GRIN2A: variants seen among roughly 807,000 people sequenced by gnomAD.
GRIN2A encodes glutamate ionotropic receptor NMDA type subunit 2A, also known as glutamate receptor ionotropic, NMDA 2A.
Under a neutral mutation model 113.4 loss-of-function variants are expected in GRIN2A, and 22 were observed. The observed-to-expected ratio is 0.19, with a 90% CI of 0.14 to 0.28. The LOEUF is 0.28. Ranked by LOEUF, GRIN2A falls within the 10% of genes least tolerant of loss-of-function variation. The pLI is 1.00. For synonymous variants in GRIN2A, 827 were observed against 738.4 expected (o/e 1.12, Z -1.94); for missense variants, 1,502 against 1,887.0 (o/e 0.80, Z 3.78).
intron 2 of GRIN2A, among the ~76,000 whole-genome samples, chr16:10,055,047 CAAAAAAAAAAAAAAAAAAA>C (rs71133304): frequency 1.5e-3 from 16 of 10,400 alleles, no homozygotes; most frequent in Middle Eastern, 0.062. Flanking sequence ...GACTCTATCT[CAAAAAAAAAAAAAAAAAAA>C]AAAAAAAAAA....
intron 2 of GRIN2A, among the ~76,000 whole-genome samples, chr16:10,178,311 G>A (rs2050192133): frequency 6.6e-6 from 1 of 152,184 alleles, no homozygotes; most frequent in Non-Finnish European, 1.5e-5. Context: ...TGTCCCTCCT[G>A]AAGATGGATG....
chr16:10,076,672 T>C lies in GRIN2A; in HGVS notation c.414+103326A>G, dbSNP rs1035746077. Reference sequence around the variant, plus strand: ...CCCAAGTTCTACCTCAAGCAGCTCATAGTCTGGAGGAGAAAGAGCTATGAC... The same window carrying C: ...CCCAAGTTCTACCTCAAGCAGCTCACAGTCTGGAGGAGAAAGAGCTATGAC... On this transcript the variant is annotated intron_variant, in intron 2 of 12. Coordinates refer to ENST00000330684, the MANE Select transcript of GRIN2A (RefSeq NM_001134407.3). 3.9e-5 allele frequency among the ~76,000 whole-genome samples: 6 copies of C among 152,154 alleles called. 1 individual carries two copies. The highest frequency in any genetic ancestry group is 8.8e-5 in the Non-Finnish European group (6 of 68,026).
chr16:10,010,172 G>A (rs1006190117), intron 2 of GRIN2A, among the ~76,000 whole-genome samples: 1 of 152,238 alleles, frequency 6.6e-6, no homozygotes, highest in African/African-American at 2.4e-5. Flanking sequence ...GTAGAGAACA[G>A]CAAGGCCTAC....
chr16:9,892,682 G>A (rs1316587447), intron 3 of GRIN2A, among the ~76,000 whole-genome samples: 4 of 152,120 alleles, frequency 2.6e-5, no homozygotes, highest in African/African-American at 9.7e-5. Context: ...CCTGTACTCA[G>A]GCTGAACTCA....
At chr16:10,119,661 T>C (rs1012700828) in intron 2 of GRIN2A, among the ~76,000 whole-genome samples, 9 of 152,172 alleles carry the variant, frequency 5.9e-5, no homozygotes, top group Admixed American at 4.6e-4. Context: ...ACACATTTGG[T>C]ACAGATTATT....
At chr16:9,834,067 G>A in intron 8 of GRIN2A, 38 bp downstream of exon 8, 2 of 1,603,774 alleles carry the variant, frequency 1.2e-6, no homozygotes, top group East Asian at 2.2e-5. Flanking sequence ...AAATGAAATT[G>A]CAACAACATT....
intron 2 of GRIN2A, among the ~76,000 whole-genome samples, chr16:10,047,849 C>T (rs1410635381): frequency 6.6e-6 from 1 of 152,206 alleles, no homozygotes; most frequent in African/African-American, 2.4e-5. Flanking sequence ...GTGCATTTTA[C>T]ATTGATCTCA....
At chr16:9,973,331 T>C (rs2045710492) in intron 2 of GRIN2A, among the ~76,000 whole-genome samples, 1 of 152,176 alleles carries the variant, frequency 6.6e-6, no homozygotes, top group African/African-American at 2.4e-5. Flanking sequence ...ACTAAGTTTC[T>C]CTGAAGGTTA....
intron 2 of GRIN2A, chr16:10,112,068 C>G (rs1037721119): frequency 3.3e-6 from 2 of 611,252 alleles, no homozygotes; most frequent in South Asian, 3.4e-5. Context: ...GAAGAAGAAT[C>G]GAGACTACAT....
chr16:10,098,956 G>C (rs2048346017), intron 2 of GRIN2A, among the ~76,000 whole-genome samples: 1 of 137,996 alleles, frequency 7.2e-6, no homozygotes, highest in Non-Finnish European at 1.5e-5. Context: ...AAAAACCTAT[G>C]GAAATTTTAG....
intron 2 of GRIN2A, among the ~76,000 whole-genome samples, chr16:10,073,751 GAA>G (rs58500889): frequency 0.097 from 13,652 of 141,226 alleles, 692 homozygotes; most frequent in Non-Finnish European, 0.11. Flanking sequence ...TAAAAATCCA[GAA>G]AAAAAAAAAA....
At chr16:9,785,927 C>T (rs760499489) in intron 11 of GRIN2A, among the ~76,000 whole-genome samples, 3 of 152,132 alleles carry the variant, frequency 2.0e-5, no homozygotes, top group Non-Finnish European at 2.9e-5. Context: ...AAAAGCTGCT[C>T]AGTTGTTCTT....
chr16:10,141,437 G>A (rs1411043978), intron 2 of GRIN2A, among the ~76,000 whole-genome samples: 9 of 152,000 alleles, frequency 5.9e-5, no homozygotes, highest in Admixed American at 1.3e-4. Context: ...GCAGTGAGCC[G>A]AGATCATGCC....
intron 10 of GRIN2A, among the ~76,000 whole-genome samples, chr16:9,809,609 G>A (rs2042048281): frequency 6.6e-6 from 1 of 151,724 alleles, no homozygotes; most frequent in African/African-American, 2.4e-5. Flanking sequence ...TAGCATAATG[G>A]TTAAGGGCAT....
chr16:9,762,871 A>G lies in GRIN2A; in HGVS notation c.*278T>C. The G allele has an allele frequency of 1.9e-6, 1 of 527,472 alleles. No individual in the cohort carries two copies. Among genetic ancestry groups the G allele is most frequent in the Non-Finnish European group, 3.4e-6 (1 of 294,074 alleles). 32.7% of individuals were successfully genotyped at this position (527,472 alleles called of 1,614,324 possible). A position where few individuals can be genotyped will look rare whatever the true frequency, so the allele number is the denominator to read the frequency against. On this transcript the variant is annotated 3_prime_UTR_variant, in exon 13 of 13. Coordinates refer to ENST00000330684, the MANE Select transcript of GRIN2A (RefSeq NM_001134407.3). ...CATCATTATTGCCAACATACCCAGT[A>G]GGCATGTCCCGGAGACTTGCCCTTA... is the stretch of plus-strand genomic sequence containing the variant.
chr16:9,802,791 T>C, intron 10 of GRIN2A, among the ~76,000 whole-genome samples: 1 of 152,120 alleles, frequency 6.6e-6, no homozygotes, highest in East Asian at 1.9e-4. Context: ...ACTTGAAATA[T>C]GTTTAGTGCA....
chr16:9,769,288 G>T, intron 11 of GRIN2A, 199 bp from the exon 12 acceptor site: 1 of 463,306 alleles, frequency 2.2e-6, no homozygotes, highest in East Asian at 3.6e-5. Context: ...TATTGTTGCA[G>T]TGAGGACAAA....
intron 2 of GRIN2A, among the ~76,000 whole-genome samples, chr16:9,986,773 A>C (rs1229374075): frequency 6.6e-6 from 1 of 151,918 alleles, no homozygotes; most frequent in Non-Finnish European, 1.5e-5. Flanking sequence ...TCAAAAAAAA[A>C]AAAAAAAAAA....
intron 2 of GRIN2A, among the ~76,000 whole-genome samples, chr16:10,056,338 A>T (rs541236115): frequency 2.0e-5 from 3 of 151,978 alleles, no homozygotes; most frequent in Non-Finnish European, 4.4e-5. Flanking sequence ...TCATCCATTC[A>T]AATAATCATT....
Sources: allele counts gnomAD v4.1 joint callset (sites outside exome capture counted in the v4.1 genomes callset), GRCh38; gene constraint gnomAD v4.1.1; transcripts MANE v1.5; gene names NCBI Gene and HGNC (gene_info 2026-07-23, HGNC 2026-07-21).